NEB: variants seen among roughly 807,000 people sequenced by gnomAD.
The protein encoded by NEB is nebulin.
A neutral mutation model predicts 952.2 loss-of-function variants in NEB; 512 were observed. The ratio of observed to expected loss-of-function variants is 0.54; its 90% CI spans 0.50 to 0.58. NEB has a LOEUF of 0.58. NEB is among the 20% of genes least tolerant of loss of function. The pLI, the probability that NEB is intolerant of heterozygous loss-of-function variation, is 0.00. For missense variants in NEB, 8,428 were observed against 9,231.1 expected, an observed-to-expected ratio of 0.91 and a Z score of 3.56; for synonymous variants, 2,900 against 3,149.8, an observed-to-expected ratio of 0.92 and a Z score of 2.66.
rs777028774 is a variant in NEB at position 151,631,284 on chromosome 2, C to G, written c.9477G>C (p.Met3159Ile). Residue 3159 changes from methionine (M) to isoleucine (I), a missense_variant, in exon 66 of 182, where the codon ATG becomes ATC. Physicochemically the swap from Met to Ile is conservative, Grantham distance 10. Coordinates refer to ENST00000397345, the MANE Select transcript of NEB (RefSeq NM_001164508.2). ...TAGCTCTCTTGCACTTGACCACATC[C>G]ATAGACCCAATGGGGACCCAGCCAA... ...RGIGWVPIGSMDVVKCKRATE... is the reference protein window; with the variant it reads ...RGIGWVPIGSIDVVKCKRATE... 10 of 1,613,880 alleles carry G rather than the reference C, an allele frequency of 6.2e-6. No homozygotes were observed. In the East Asian group the frequency reaches 2.2e-4, roughly 36 times the overall value.
chr2:151,520,337 C>A (rs1307553213), intron 153 of NEB, among the ~76,000 whole-genome samples: 1 of 151,982 alleles, frequency 6.6e-6, no homozygotes, highest in Non-Finnish European at 1.5e-5. Context: ...GGGTTAATGG[C>A]TTCAAGTGTG....
At chr2:151,646,632 T>G (rs1479805895) in intron 54 of NEB, among the ~76,000 whole-genome samples, 15 of 152,192 alleles carry the variant, frequency 9.9e-5, no homozygotes, top group Admixed American at 9.8e-4. Flanking sequence ...AAGTTTTATT[T>G]CCTATGTGGC....
intron 173 of NEB, among the ~76,000 whole-genome samples, chr2:151,495,852 A>G (rs2059819568): frequency 6.6e-6 from 1 of 152,196 alleles, no homozygotes. Context: ...TCTTTGTCCA[A>G]ATCTGACAGG....
intron 17 of NEB, 53 bp from the exon 18 acceptor site, chr2:151,695,735 A>C: frequency 7.4e-7 from 1 of 1,357,194 alleles, no homozygotes; most frequent in Non-Finnish European, 1.0e-6. Flanking sequence ...AGAATACAAA[A>C]ATTCTTGTGT....
At chr2:151,703,946 G>C (rs1454551239) in intron 13 of NEB, among the ~76,000 whole-genome samples, 1 of 132,956 alleles carries the variant, frequency 7.5e-6, no homozygotes, top group African/African-American at 2.8e-5. Flanking sequence ...CTGCGTTTTA[G>C]AGTTTCCAGT....
At chr2:151,610,890 C>A (rs773607167) in intron 78 of NEB, 24 bp from the exon 79 acceptor site, 1 of 1,473,790 alleles carries the variant, frequency 6.8e-7, no homozygotes. Flanking sequence ...CGGCATGGGG[C>A]ATGGGGAGAG....
In NEB at chr2:151,655,188, A is replaced by T. The variant is rs554741684; in HGVS notation, c.6807+82T>A. On this transcript the variant is annotated intron_variant, in intron 51 of 181. Transcript: ENST00000397345. Reference sequence around the variant, plus strand: ...CCAAACTTCCATTGCTTCAACATTTATATCAGTATTTACTGTTACATTATT... The same window carrying T: ...CCAAACTTCCATTGCTTCAACATTTTTATCAGTATTTACTGTTACATTATT... 1.3e-3 allele frequency: 1,073 copies of T among 808,554 alleles called. 2 individuals are homozygous for T. Among genetic ancestry groups the T allele is most frequent in the Non-Finnish European group, 1.3e-3 (675 of 530,280 alleles). The allele number at this position is 808,554 out of a possible 1,614,324, so 50.1% of individuals were successfully genotyped here.
In NEB at chr2:151,666,153, G is replaced by A. The variant is rs766716265; in HGVS notation, c.4968C>T (p.Tyr1656=). The A allele has an allele frequency of 4.3e-6, 7 of 1,613,844 alleles. No individual in the cohort carries two copies. Among genetic ancestry groups the A allele is most frequent in the Non-Finnish European group, 5.9e-6 (7 of 1,179,872 alleles). The change falls in exon 41 of 182, where the codon TAC becomes TAT. Residue 1656 remains tyrosine, a synonymous_variant. Coordinates refer to ENST00000397345, the MANE Select transcript of NEB (RefSeq NM_001164508.2). The part of the protein sequence containing the change: ...NANYRQSYHH[Y]TLLPDALNVE... ...CATTCAAGGCATCGGGCAGGAGAGTGTAGTGGTGGTATGACTGTCTGTAGT... is the reference window on the plus strand; with the variant it reads ...CATTCAAGGCATCGGGCAGGAGAGTATAGTGGTGGTATGACTGTCTGTAGT...
chr2:151,651,596 G>A (rs777895352), intron 52 of NEB, among the ~76,000 whole-genome samples: 13 of 151,992 alleles, frequency 8.6e-5, no homozygotes, highest in South Asian at 2.1e-4. Flanking sequence ...ACTGCCAAAT[G>A]GGTCAAAATG....
At chr2:151,533,627 T>TTCACTCA in intron 142 of NEB, 81 bp from the exon 143 acceptor site, 1 of 867,996 alleles carries the variant, frequency 1.2e-6, no homozygotes, top group Non-Finnish European at 1.9e-6. Context: ...CAATCACCTC[T>TTCACTCA]GAGTGAAGAG....
chr2:151,648,302 CAT>C lies in NEB; in HGVS notation c.7431+1872_7431+1873del, dbSNP rs79787361. 5.9e-3 allele frequency among the ~76,000 whole-genome samples: 891 copies of C among 152,274 alleles called. 4 individuals are homozygous for C. The highest frequency in any genetic ancestry group is 0.01 in the Non-Finnish European group (683 of 68,026). On this transcript the variant is annotated intron_variant, in intron 54 of 181. Transcript: ENST00000397345. ...GTCTGGCACTTTTCTTTTTCCTGCA[CAT>C]GTTTGTTATGGTGCATATAACCCAG...
intron 46 of NEB, 62 bp from the exon 47 acceptor site, chr2:151,659,231 C>T (rs2099119534): frequency 2.1e-6 from 2 of 968,392 alleles, no homozygotes; most frequent in African/African-American, 1.6e-5. Flanking sequence ...TTAGTACATA[C>T]ATATCATTGT....
chr2:151,656,362 T>C lies in NEB; in HGVS notation c.6286A>G (p.Met2096Val). 4 of 1,613,694 alleles carry C rather than the reference T, an allele frequency of 2.5e-6. No individual in the cohort carries two copies. Among genetic ancestry groups the C allele is most frequent in the Non-Finnish European group, 3.4e-6 (4 of 1,179,710 alleles). The change falls in exon 49 of 182, where the codon ATG becomes GTG. Residue 2096 changes from methionine to valine, a missense_variant. Physicochemically the swap from Met to Val is conservative, Grantham distance 21. Transcript: ENST00000397345. The stretch of plus-strand genomic sequence containing the variant: ...TTCTTGTACTCCCGATCAGATTGCA[T>C]CTTAGCCACTTGCATGGAATGGACT... ...KLVHSMQVAK[M>V]QSDREYKKNY... is the part of the protein sequence containing the mutation.
chr2:151,615,734 T>C (rs918569356), intron 76 of NEB: 14 of 331,238 alleles, frequency 4.2e-5, no homozygotes, highest in African/African-American at 2.4e-4. Context: ...GTTCAATTTC[T>C]GAAGCTCAAA....
chr2:151,570,024 C>G lies in NEB; in HGVS notation c.17430+57G>C, dbSNP rs113401748. ...ACAGAAGGGGTTAGTGTCATAAACT[C>G]TCTGGAAGTCATGGCAAACTGAGAA... On this transcript the variant is annotated intron_variant, in intron 109 of 181. Transcript: ENST00000397345. 3,147 of 1,512,148 alleles carry G rather than the reference C, an allele frequency of 2.1e-3. 46 individuals carry two copies. The East Asian group carries it at 0.035, about 17-fold the overall frequency. The allele number at this position is 1,512,148 out of a possible 1,614,324, so 93.7% of individuals were successfully genotyped here. A position where few individuals can be genotyped will look rare whatever the true frequency, so the allele number is the denominator to read the frequency against.
At chr2:151,620,347 G>GTATGTA (rs2098379410) in intron 72 of NEB, among the ~76,000 whole-genome samples, 1 of 48,484 alleles carries the variant, frequency 2.1e-5, no homozygotes, top group African/African-American at 7.8e-5. Context: ...GTATGTGTGT[G>GTATGTA]TATATATATA....
At chr2:151,521,120 C>T (rs542996647) in intron 153 of NEB, among the ~76,000 whole-genome samples, 14 of 152,228 alleles carry the variant, frequency 9.2e-5, no homozygotes, top group Non-Finnish European at 1.6e-4. Context: ...GAAAGACTCA[C>T]TAACACCAGT....
intron 161 of NEB, among the ~76,000 whole-genome samples, chr2:151,510,605 CA>C (rs1286576387): frequency 6.6e-6 from 1 of 152,182 alleles, no homozygotes; most frequent in Non-Finnish European, 1.5e-5. Flanking sequence ...AGACCACATT[CA>C]TGTAACTATA....
At chr2:151,581,453 G>A (rs1043622753) in intron 103 of NEB, 30 bp downstream of exon 103, 3 of 644,364 alleles carry the variant, frequency 4.7e-6, no homozygotes, top group Non-Finnish European at 7.6e-6. Context: ...AGAGAGCACT[G>A]TGAAAAGCAA....
Sources: gnomAD v4.1 joint callset for allele counts (sites outside exome capture counted in the v4.1 genomes callset) on GRCh38, gnomAD v4.1.1 for gene constraint, MANE v1.5 for transcripts, NCBI Gene and HGNC (gene_info 2026-07-23, HGNC 2026-07-21) for gene names.